Variants in RABGAP1L observed in about 807,000 individuals in gnomAD.
The protein encoded by RABGAP1L is RAB GTPase activating protein 1 like.
Under a neutral mutation model 137.7 loss-of-function variants are expected in RABGAP1L, and 63 were observed. The ratio of observed to expected loss-of-function variants is 0.46; its 90% CI spans 0.37 to 0.56. The LOEUF is 0.56. Ranked by LOEUF, RABGAP1L falls within the 20% of genes least tolerant of loss-of-function variation. The probability of loss-of-function intolerance (pLI) is 0.00; values close to 1 mark genes in which losing one functional copy is unlikely to be tolerated. For synonymous variants in RABGAP1L, 431 were observed against 433.7 expected (o/e 0.99, Z 0.08); for missense variants, 1,095 against 1,244.0 (o/e 0.88, Z 1.80).
At chr1:174,933,306 A>C (rs1664174993) in intron 19 of RABGAP1L, among the ~76,000 whole-genome samples, 1 of 152,050 alleles carries the variant, frequency 6.6e-6, no homozygotes, top group South Asian at 2.1e-4. Flanking sequence ...CACCCTGTTA[A>C]AATGCTGCAT....
In RABGAP1L at chr1:174,241,534, G is replaced by C; in HGVS notation, c.594G>C (p.Lys198Asn). The C allele has an allele frequency of 6.2e-7, 1 of 1,612,176 alleles. No individual in the cohort carries two copies. The change falls in exon 5 of 26, where the codon AAG (lysine) becomes AAC (asparagine). Residue 198 changes from lysine (K) to asparagine (N), a missense_variant. By Grantham distance (94) the Lys-to-Asn change is moderately conservative. This residue lies in a region of RABGAP1L where 356 missense variants were observed against 326.3 expected (regional missense o/e 1.09). Coordinates refer to ENST00000681986, the MANE Select transcript of RABGAP1L (RefSeq NM_001366446.1). ...NVEIASFPIYKVLFCARGHDG... is the reference protein window; with the variant it reads ...NVEIASFPIYNVLFCARGHDG... The stretch of plus-strand genomic sequence containing the variant: ...AGATAGCATCTTTTCCAATCTATAA[G>C]GTGTTATTCTGTGCACGTGGACATG...
At chr1:174,956,089 T>G (rs1668482856) in intron 19 of RABGAP1L, among the ~76,000 whole-genome samples, 1 of 152,182 alleles carries the variant, frequency 6.6e-6, no homozygotes, top group Admixed American at 6.5e-5. Flanking sequence ...AAACCAGGCA[T>G]TGTTTTAGAT....
chr1:174,205,491 A>G (rs1258983520), intron 1 of RABGAP1L, among the ~76,000 whole-genome samples: 1 of 152,008 alleles, frequency 6.6e-6, no homozygotes, highest in Non-Finnish European at 1.5e-5. Flanking sequence ...GTGGGGAATC[A>G]GTTTCTTCCT....
chr1:174,435,798 C>T (rs879548462), intron 13 of RABGAP1L, among the ~76,000 whole-genome samples: 4 of 138,314 alleles, frequency 2.9e-5, no homozygotes, highest in Non-Finnish European at 4.6e-5. Flanking sequence ...AATGCTATCC[C>T]TCCCCTCTCC....
intron 13 of RABGAP1L, among the ~76,000 whole-genome samples, chr1:174,423,017 G>A (rs1250598524): frequency 6.7e-6 from 1 of 149,892 alleles, no homozygotes; most frequent in Admixed American, 6.7e-5. Context: ...ACATTTTTTA[G>A]CACACTTTTT....
intron 11 of RABGAP1L, among the ~76,000 whole-genome samples, chr1:174,308,699 A>G (rs561993337): frequency 2.0e-5 from 3 of 151,832 alleles, no homozygotes; most frequent in African/African-American, 7.2e-5. Context: ...AATACATGGA[A>G]TTATTTCTGT....
At chr1:174,428,701 A>T (rs1652249374) in intron 13 of RABGAP1L, among the ~76,000 whole-genome samples, 1 of 152,168 alleles carries the variant, frequency 6.6e-6, no homozygotes, top group Non-Finnish European at 1.5e-5. Flanking sequence ...GGAAAAAAAA[A>T]GTCCTCAAAG....
chr1:174,741,045 GT>G (rs60884941), intron 17 of RABGAP1L, among the ~76,000 whole-genome samples: 3,330 of 119,888 alleles, frequency 0.028, 63 homozygotes, highest in Admixed American at 0.065. Context: ...TTTTTGTTTT[GT>G]TTTTTTTTTT....
At chr1:174,209,370 C>G (rs1668713837) in intron 1 of RABGAP1L, among the ~76,000 whole-genome samples, 1 of 152,078 alleles carries the variant, frequency 6.6e-6, no homozygotes, top group African/African-American at 2.4e-5. Context: ...GCCCTCTGCC[C>G]TGAGGAATGA....
rs869092279 is a variant in RABGAP1L at position 174,992,680 on chromosome 1, ATG to A, written c.*2682_*2683del. ...AAACAAAGAAAATTCAGAATTTGGT[ATG>A]TGATATGATTGTTCATACAATATGT... On this transcript the variant is annotated 3_prime_UTR_variant, in exon 26 of 26. Transcript: ENST00000681986. The A allele has an allele frequency of 2.0e-5, 3 of 152,188 alleles. No individual in the cohort carries two copies. Among genetic ancestry groups the A allele is most frequent in the East Asian group, 3.8e-4 (2 of 5,202 alleles). 9.4% of individuals were successfully genotyped at this position (152,188 alleles called of 1,614,324 possible).
At chr1:174,443,932 A>C (rs1319109102) in intron 13 of RABGAP1L, among the ~76,000 whole-genome samples, 1 of 152,032 alleles carries the variant, frequency 6.6e-6, no homozygotes, top group African/African-American at 2.4e-5. Context: ...TTGATGGAAG[A>C]CACTGTCTTT....
intron 11 of RABGAP1L, among the ~76,000 whole-genome samples, chr1:174,314,537 A>C (rs1410645014): frequency 6.6e-6 from 1 of 151,892 alleles, no homozygotes; most frequent in East Asian, 1.9e-4. Flanking sequence ...TCCTTCAACT[A>C]ATTTTGGGTT....
At chr1:174,573,999 C>G (rs972005855) in intron 13 of RABGAP1L, among the ~76,000 whole-genome samples, 1 of 152,212 alleles carries the variant, frequency 6.6e-6, no homozygotes, top group African/African-American at 2.4e-5. Context: ...CAAAATGTCT[C>G]TGAGCAGCCA....
intron 13 of RABGAP1L, among the ~76,000 whole-genome samples, chr1:174,560,733 T>C (rs1201595437): frequency 1.3e-5 from 2 of 152,134 alleles, no homozygotes; most frequent in East Asian, 3.9e-4. Flanking sequence ...CCCCTTCTAG[T>C]AGTCCTTAGT....
chr1:174,419,152 T>C (rs1171923357), intron 13 of RABGAP1L, among the ~76,000 whole-genome samples: 1 of 152,242 alleles, frequency 6.6e-6, no homozygotes, highest in African/African-American at 2.4e-5. Flanking sequence ...ATTCTTGGTT[T>C]ATTTACATTC....
intron 1 of RABGAP1L, among the ~76,000 whole-genome samples, chr1:174,196,227 C>CTTTCT (rs1553251659): frequency 1.4e-5 from 2 of 141,064 alleles, no homozygotes; most frequent in South Asian, 4.5e-4. Context: ...TTCTTTCTTT[C>CTTTCT]TTTTTTTTTT....
At chr1:174,845,169 A>T (rs1004128432) in intron 19 of RABGAP1L, among the ~76,000 whole-genome samples, 8 of 133,046 alleles carry the variant, frequency 6.0e-5, no homozygotes, top group African/African-American at 2.1e-4. Flanking sequence ...TGTCGTCTGC[A>T]AACAGGGACA....
Position 174,969,330 on chromosome 1 carries a change from T to C in RABGAP1L, c.2487T>C (p.Asp829=). Residue 829 remains aspartate (D), a synonymous_variant, in exon 21 of 26, where the codon GAT becomes GAC. Coordinates refer to ENST00000681986, the MANE Select transcript of RABGAP1L (RefSeq NM_001366446.1). The stretch of plus-strand genomic sequence containing the variant: ...GCATGAGGTTGGAACAAGAGAATGA[T>C]GACCTTGCCCATGAACTAGTAACAA... ...EASMRLEQEN[D]DLAHELVTSK... The C allele has an allele frequency of 6.4e-7, 1 of 1,550,838 alleles. No individual in the cohort carries two copies. Among genetic ancestry groups the C allele is most frequent in the Non-Finnish European group, 8.7e-7 (1 of 1,147,006 alleles).
intron 1 of RABGAP1L, among the ~76,000 whole-genome samples, chr1:174,169,778 C>T (rs1335166148): frequency 2.6e-5 from 4 of 152,132 alleles, no homozygotes; most frequent in East Asian, 3.8e-4. Flanking sequence ...CAGCCTCAAA[C>T]TTCTGGTCTC....
Sources: allele counts gnomAD v4.1 joint callset (sites outside exome capture counted in the v4.1 genomes callset), GRCh38; gene constraint gnomAD v4.1.1; regional missense constraint gnomAD v4.1.1; transcripts MANE v1.5; gene names NCBI Gene and HGNC (gene_info 2026-07-23, HGNC 2026-07-21).